The following ARHGEF3 variants were observed in gnomAD, a reference collection of about 807,000 sequenced individuals.
The protein encoded by ARHGEF3 is 59.8 kDA protein.
In ARHGEF3, 28 loss-of-function variants were observed where a neutral mutation model predicts 63.2. The ratio of observed to expected loss-of-function variants is 0.44; its 90% confidence interval spans 0.33 to 0.61. The LOEUF is 0.61. Among genes scored for constraint, ARHGEF3 ranks in the 20% least tolerant of loss-of-function variants. The pLI, the probability that ARHGEF3 is intolerant of heterozygous loss-of-function variation, is 0.03. For synonymous variants in ARHGEF3, 266 were observed against 254.2 expected, an observed-to-expected ratio of 1.05 and a Z score of -0.44; for missense variants, 533 against 659.3, an observed-to-expected ratio of 0.81 and a Z score of 2.10.
At chr3:57,067,815 T>TAAAA (rs542326960) in intron 1 of ARHGEF3, among the ~76,000 whole-genome samples, 2 of 139,986 alleles carry the variant, frequency 1.4e-5, no homozygotes, top group African/African-American at 5.2e-5. Flanking sequence ...CCGTCTCTAC[T>TAAAA]AAAAAAAAAA....
At chr3:56,758,310 C>T (rs2035219167) in intron 2 of ARHGEF3, among the ~76,000 whole-genome samples, 2 of 150,808 alleles carry the variant, frequency 1.3e-5, no homozygotes, top group Admixed American at 1.3e-4. Flanking sequence ...GAAAATGAGG[C>T]GGGGCTTGGT....
At position 56,728,881 on chromosome 3, in the gene ARHGEF3, G is replaced by A. The variant is rs1462442994; in HGVS notation, c.*389C>T. On this transcript the variant is annotated 3_prime_UTR_variant, in exon 10 of 10. Transcript: ENST00000296315. ...AGGCCGTCTAAATTCCGTGCCTTTA[G>A]CTACCACATCTAAGAGCTGGGAAAG... 1 of 182,408 alleles carries A rather than the reference G, an allele frequency of 5.5e-6. No individual in the cohort carries two copies. The highest frequency in any genetic ancestry group is 1.2e-5 in the Non-Finnish European group (1 of 85,504). 11.3% of individuals were successfully genotyped at this position (182,408 alleles called of 1,614,324 possible). A position where few individuals can be genotyped will look rare whatever the true frequency, so the allele number is the denominator to read the frequency against.
At chr3:56,905,886 G>C (rs1049766593) in intron 3 of ARHGEF3, among the ~76,000 whole-genome samples, 3 of 151,482 alleles carry the variant, frequency 2.0e-5, no homozygotes, top group African/African-American at 7.3e-5. Context: ...TTTTTTTGGA[G>C]ACGGAGTCTC....
intron 2 of ARHGEF3, among the ~76,000 whole-genome samples, chr3:56,981,539 CA>C (rs966663915): frequency 6.6e-6 from 1 of 151,020 alleles, no homozygotes; most frequent in Non-Finnish European, 1.5e-5. Context: ...AAAAACAAAA[CA>C]AAAAAAAACT....
chr3:56,939,226 A>G (rs938293366), intron 3 of ARHGEF3, among the ~76,000 whole-genome samples: 3 of 152,210 alleles, frequency 2.0e-5, no homozygotes, highest in African/African-American at 7.2e-5. Flanking sequence ...ACAGGCAGAA[A>G]GAGAAATAAA....
At chr3:56,964,758 A>G (rs1298934929) in intron 2 of ARHGEF3, among the ~76,000 whole-genome samples, 1 of 152,170 alleles carries the variant, frequency 6.6e-6, no homozygotes, top group East Asian at 1.9e-4. Context: ...CCTCCCAGAG[A>G]AAATGAGGCC....
intron 4 of ARHGEF3, among the ~76,000 whole-genome samples, chr3:56,874,891 G>A (rs2040536800): frequency 6.6e-6 from 1 of 152,112 alleles, no homozygotes; most frequent in African/African-American, 2.4e-5. Flanking sequence ...TGCAAAAAGG[G>A]TATGATACAT....
At chr3:56,818,489 A>G (rs2038350338) in intron 4 of ARHGEF3, among the ~76,000 whole-genome samples, 1 of 152,214 alleles carries the variant, frequency 6.6e-6, no homozygotes, top group Non-Finnish European at 1.5e-5. Flanking sequence ...TACAGCAAGC[A>G]CTCTATAGAT....
intron 2 of ARHGEF3, among the ~76,000 whole-genome samples, chr3:57,011,510 G>C (rs1702699850): frequency 6.6e-6 from 1 of 152,052 alleles, no homozygotes; most frequent in East Asian, 1.9e-4. Flanking sequence ...AATCTAGTGG[G>C]GAGAGGCCAG....
At chr3:57,004,490 T>C (rs1702394428) in intron 2 of ARHGEF3, among the ~76,000 whole-genome samples, 5 of 152,232 alleles carry the variant, frequency 3.3e-5, no homozygotes, top group Admixed American at 6.5e-5. Flanking sequence ...ATTTCCTTTC[T>C]GTCTGGCCAA....
At chr3:56,969,790 A>G (rs1397360158) in intron 2 of ARHGEF3, among the ~76,000 whole-genome samples, 1 of 151,960 alleles carries the variant, frequency 6.6e-6, no homozygotes, top group African/African-American at 2.4e-5. Flanking sequence ...GAAAAGGTAC[A>G]TATGAAACGT....
At chr3:56,878,296 G>A (rs748641637) in intron 4 of ARHGEF3, among the ~76,000 whole-genome samples, 1 of 152,134 alleles carries the variant, frequency 6.6e-6, no homozygotes, top group Non-Finnish European at 1.5e-5. Context: ...TGACGTGAGG[G>A]GAGATTCGTA....
At chr3:56,990,120 T>C (rs562962652) in intron 2 of ARHGEF3, among the ~76,000 whole-genome samples, 42 of 152,356 alleles carry the variant, frequency 2.8e-4, no homozygotes, top group African/African-American at 9.6e-4. Context: ...TTATGCAGTC[T>C]GAGTTCATCA....
upstream of ARHGEF3, among the ~76,000 whole-genome samples, chr3:56,804,834 C>A (rs1386367377): frequency 1.3e-5 from 2 of 152,172 alleles, no homozygotes; most frequent in African/African-American, 2.4e-5. Context: ...GTGAGAGTAA[C>A]CTCATCTCCA....
intron 1 of ARHGEF3, among the ~76,000 whole-genome samples, chr3:57,055,407 C>T (rs545273648): frequency 6.6e-6 from 1 of 152,284 alleles, no homozygotes; most frequent in South Asian, 2.1e-4. Flanking sequence ...GGTGATCTGC[C>T]CGCCTCGGCC....
At chr3:56,946,356 T>C (rs941683779) in intron 3 of ARHGEF3, among the ~76,000 whole-genome samples, 10 of 152,014 alleles carry the variant, frequency 6.6e-5, no homozygotes, top group African/African-American at 1.9e-4. Context: ...TTCAAACCCA[T>C]GGCAAAGAAG....
At chr3:56,934,813 C>T (rs2042511797) in intron 3 of ARHGEF3, among the ~76,000 whole-genome samples, 1 of 152,252 alleles carries the variant, frequency 6.6e-6, no homozygotes, top group Non-Finnish European at 1.5e-5. Flanking sequence ...CTCCACTGCA[C>T]CCAGTCCCAT....
intron 2 of ARHGEF3, among the ~76,000 whole-genome samples, chr3:56,963,604 G>C (rs1466607876): frequency 6.6e-6 from 1 of 152,120 alleles, no homozygotes; most frequent in East Asian, 1.9e-4. Flanking sequence ...AGAACATCTT[G>C]CTAACGAAAC....
At chr3:56,893,028 A>C (rs1249267184) in intron 3 of ARHGEF3, among the ~76,000 whole-genome samples, 1 of 152,232 alleles carries the variant, frequency 6.6e-6, no homozygotes, top group African/African-American at 2.4e-5. Context: ...TCTAAAGGAC[A>C]TTCCTTTAAA....
Sources: gnomAD v4.1 joint callset for allele counts (sites outside exome capture counted in the v4.1 genomes callset) on GRCh38, gnomAD v4.1.1 for gene constraint, MANE v1.5 for transcripts, NCBI Gene and HGNC (gene_info 2026-07-23, HGNC 2026-07-21) for gene names.